Variants in TRPC4AP observed in about 807,000 individuals in gnomAD.
TRPC4AP encodes the protein short transient receptor potential channel 4-associated protein.
Under a neutral mutation model 99.0 loss-of-function variants are expected in TRPC4AP, and 45 were observed. The ratio of observed to expected loss-of-function variants is 0.45; its 90% CI spans 0.36 to 0.58. The LOEUF is 0.58. Among genes scored for constraint, TRPC4AP ranks in the 20% least tolerant of loss-of-function variants. TRPC4AP has a pLI of 0.00. For missense variants in TRPC4AP, 879 were observed against 985.3 expected, an observed-to-expected ratio of 0.89 and a Z score of 1.44; for synonymous variants, 408 against 385.8, an observed-to-expected ratio of 1.06 and a Z score of -0.67.
chr20:35,067,732 T>C (rs76363448), intron 3 of TRPC4AP, among the ~76,000 whole-genome samples: 12,475 of 152,188 alleles, frequency 0.082, 592 homozygotes, highest in South Asian at 0.13. Context: ...ATCATTACGC[T>C]AAGTGAAAAG....
Position 35,073,684 on chromosome 20 carries a change from T to C in TRPC4AP, c.298-4272A>G, listed in dbSNP as rs532498381. On this transcript the variant is annotated intron_variant, in intron 2 of 18. Transcript: ENST00000252015. Reference sequence around the variant, plus strand: ...CTGGATTTGGTTTGCCAGTATTTTATTGAGGATTTTTGCATTGATGTTCAT... The same window carrying C: ...CTGGATTTGGTTTGCCAGTATTTTACTGAGGATTTTTGCATTGATGTTCAT... Among the ~76,000 whole-genome samples the C allele has an allele frequency of 2.0e-4, 30 of 152,368 alleles. No individual in the cohort carries two copies. The South Asian group carries it at 4.3e-3, about 22-fold the overall frequency.
chr20:35,030,220 A>T (rs1432382779), intron 8 of TRPC4AP: 1 of 141,174 alleles, frequency 7.1e-6, no homozygotes, highest in Non-Finnish European at 1.5e-5. Flanking sequence ...CAGCCTGAGT[A>T]ACAAGAGCGA....
intron 8 of TRPC4AP, among the ~76,000 whole-genome samples, chr20:35,024,990 TG>T (rs2082994175): frequency 6.6e-6 from 1 of 152,164 alleles, no homozygotes; most frequent in African/African-American, 2.4e-5. Flanking sequence ...GGTATATACC[TG>T]GGAGTAGGAT....
intron 7 of TRPC4AP, among the ~76,000 whole-genome samples, chr20:35,037,505 A>G (rs913230245): frequency 1.1e-4 from 17 of 152,256 alleles, no homozygotes; most frequent in African/African-American, 4.1e-4. Flanking sequence ...CCAAAAGATG[A>G]AAATATCCCA....
intron 3 of TRPC4AP, among the ~76,000 whole-genome samples, chr20:35,063,669 G>A (rs150724629): frequency 6.6e-6 from 1 of 152,186 alleles, no homozygotes; most frequent in East Asian, 1.9e-4. Context: ...GACTGCCTAA[G>A]GAACAAAGCA....
chr20:35,011,217 A>G lies in TRPC4AP; in HGVS notation c.1410-929T>C, dbSNP rs566967311. Among the ~76,000 whole-genome samples the G allele has an allele frequency of 2.6e-5, 4 of 152,282 alleles. No homozygotes were observed. In the East Asian group the frequency reaches 7.7e-4, roughly 29 times the overall value. ...GGTTGCAGTGAGCCAAGATCATGCC[A>G]CTGCACTCCAGCCTGGGCAATAGAG... On this transcript the variant is annotated intron_variant, in intron 11 of 18. Coordinates refer to ENST00000252015, the MANE Select transcript of TRPC4AP (RefSeq NM_015638.3).
At chr20:35,025,283 C>T in intron 8 of TRPC4AP, among the ~76,000 whole-genome samples, 1 of 152,190 alleles carries the variant, frequency 6.6e-6, no homozygotes. Context: ...TGGACCCAAA[C>T]AATCCTCCCA....
At chr20:35,063,481 G>T (rs569112258) in intron 3 of TRPC4AP, among the ~76,000 whole-genome samples, 2 of 152,144 alleles carry the variant, frequency 1.3e-5, no homozygotes, top group Non-Finnish European at 2.9e-5. Flanking sequence ...TCTTTTTGGC[G>T]TGATAAAAAT....
At chr20:35,052,502 A>C (rs1408953530) in intron 5 of TRPC4AP, among the ~76,000 whole-genome samples, 1 of 151,848 alleles carries the variant, frequency 6.6e-6, no homozygotes, top group Non-Finnish European at 1.5e-5. Flanking sequence ...TTATTTTTTT[A>C]TCTTTTATTT....
chr20:35,053,611 G>C (rs1214114269), intron 5 of TRPC4AP, among the ~76,000 whole-genome samples: 1 of 152,148 alleles, frequency 6.6e-6, no homozygotes, highest in Non-Finnish European at 1.5e-5. Flanking sequence ...GCACTTAAAA[G>C]GTGGCCAGGC....
intron 1 of TRPC4AP, 87 bp from the exon 2 acceptor site, chr20:35,078,261 C>A: frequency 7.1e-7 from 1 of 1,406,202 alleles, no homozygotes; most frequent in African/African-American, 1.4e-5. Context: ...ACTTCCAAAC[C>A]CACCCAGGAC....
intron 1 of TRPC4AP, among the ~76,000 whole-genome samples, chr20:35,083,552 G>C (rs1178861996): frequency 6.6e-6 from 1 of 151,168 alleles, no homozygotes; most frequent in Admixed American, 6.6e-5. Context: ...GGAGGTTGCA[G>C]AAAGCTGAGA....
chr20:35,085,080 A>G (rs2084800964), intron 1 of TRPC4AP, among the ~76,000 whole-genome samples: 1 of 152,220 alleles, frequency 6.6e-6, no homozygotes, highest in Non-Finnish European at 1.5e-5. Flanking sequence ...CATGTTATTT[A>G]GAAATACTGG....
At chr20:35,044,440 A>T in intron 7 of TRPC4AP, 65 bp downstream of exon 7, 1 of 1,448,250 alleles carries the variant, frequency 6.9e-7, no homozygotes, top group Non-Finnish European at 9.4e-7. Flanking sequence ...AAGAAAAAAA[A>T]CTAGATGATT....
At chr20:35,083,214 G>A (rs990858042) in intron 1 of TRPC4AP, among the ~76,000 whole-genome samples, 2 of 152,050 alleles carry the variant, frequency 1.3e-5, no homozygotes, top group Non-Finnish European at 2.9e-5. Flanking sequence ...ATTTTTAAAT[G>A]CAGTTTTAAA....
intron 3 of TRPC4AP, among the ~76,000 whole-genome samples, chr20:35,065,365 G>A (rs911826743): frequency 6.6e-6 from 1 of 152,122 alleles, no homozygotes; most frequent in Non-Finnish European, 1.5e-5. Context: ...CTTGCTCTGG[G>A]TCTGCTTCAC....
chr20:35,046,766 A>C (rs1345814924), intron 6 of TRPC4AP, among the ~76,000 whole-genome samples: 2 of 152,218 alleles, frequency 1.3e-5, no homozygotes, highest in African/African-American at 4.8e-5. Context: ...TGTAACTTGT[A>C]GCTCACCAGT....
chr20:35,072,291 T>A (rs1347977973), intron 2 of TRPC4AP, among the ~76,000 whole-genome samples: 2 of 152,216 alleles, frequency 1.3e-5, no homozygotes, highest in African/African-American at 4.8e-5. Context: ...TTTAATTAGA[T>A]CCCATTTGCC....
At chr20:35,056,275 G>T (rs1310510421) in intron 4 of TRPC4AP, among the ~76,000 whole-genome samples, 1 of 152,086 alleles carries the variant, frequency 6.6e-6, no homozygotes, top group Non-Finnish European at 1.5e-5. Context: ...AAAGGAATTG[G>T]GATTCACTCA....
Sources: gnomAD v4.1 joint callset for allele counts (sites outside exome capture counted in the v4.1 genomes callset) on GRCh38, gnomAD v4.1.1 for gene constraint, MANE v1.5 for transcripts, NCBI Gene and HGNC (gene_info 2026-07-23, HGNC 2026-07-21) for gene names.